The following TWIST2 variants were observed in gnomAD, a reference collection of about 807,000 sequenced individuals.
The protein encoded by TWIST2 is twist family bHLH transcription factor 2, also known as twist-related protein 2.
In TWIST2, 1 loss-of-function variant was observed where a neutral mutation model predicts 11.6. That is an observed-to-expected ratio of 0.09 (90% CI 0.03 to 0.41). The LOEUF is 0.41. Ranked by LOEUF, TWIST2 falls within the 10% of genes least tolerant of loss-of-function variation. The probability of loss-of-function intolerance (pLI) is 0.98; values close to 1 mark genes in which losing one functional copy is unlikely to be tolerated. For synonymous variants in TWIST2, 87 were observed against 96.6 expected (o/e 0.90, Z 0.58); for missense variants, 168 against 226.4 (o/e 0.74, Z 1.66).
At chr2:238,848,812 G>A (rs930953657) in intron 1 of TWIST2, 79 bp downstream of exon 1, 1 of 1,157,700 alleles carries the variant, frequency 8.6e-7, no homozygotes, top group Non-Finnish European at 1.1e-6. Flanking sequence ...GGGCCTGCTC[G>A]TGTCTCCTCG....
intron 1 of TWIST2, among the ~76,000 whole-genome samples, 193 bp from the exon 2 acceptor site, chr2:238,909,649 C>T (rs1169563735): frequency 1.3e-5 from 2 of 152,054 alleles, no homozygotes; most frequent in African/African-American, 4.8e-5. Context: ...GCAGGGGTTG[C>T]GGAAGCCTGG....
rs531756550 is a variant in TWIST2 at position 238,858,898 on chromosome 2, A to G, written c.*35+10165A>G. Among the ~76,000 whole-genome samples the G allele has an allele frequency of 2.5e-4, 38 of 152,330 alleles. No individual in the cohort carries two copies. The South Asian group carries it at 6.2e-3, about 25-fold the overall frequency. Reference sequence around the variant, plus strand: ...CAGTAAAACGTAGCCCATTCGTACAATGGAATGTAATTCAGCCATAAAAAC... The same window carrying G: ...CAGTAAAACGTAGCCCATTCGTACAGTGGAATGTAATTCAGCCATAAAAAC... On this transcript the variant is annotated intron_variant, in intron 1 of 1. Coordinates refer to ENST00000612363, the MANE Select transcript of TWIST2 (RefSeq NM_001271893.4).
At chr2:238,909,062 GTGTA>G (rs1212868167) in intron 1 of TWIST2, among the ~76,000 whole-genome samples, 48 of 149,666 alleles carry the variant, frequency 3.2e-4, no homozygotes, top group African/African-American at 1.2e-3. Context: ...TGTATGTGGT[GTGTA>G]TGTAGTGTGG....
chr2:238,902,805 GGT>G (rs1331848635), intron 1 of TWIST2, among the ~76,000 whole-genome samples: 1 of 142,600 alleles, frequency 7.0e-6, no homozygotes, highest in African/African-American at 2.6e-5. Flanking sequence ...TGATGTGTGA[GGT>G]GTGTGTGATG....
At chr2:238,859,992 C>T (rs772452954) in intron 1 of TWIST2, among the ~76,000 whole-genome samples, 16 of 152,148 alleles carry the variant, frequency 1.1e-4, no homozygotes, top group Non-Finnish European at 2.4e-4. Flanking sequence ...TAGATGAGAG[C>T]CAGGAGCATT....
intron 1 of TWIST2, among the ~76,000 whole-genome samples, chr2:238,904,487 G>A (rs932474522): frequency 7.3e-4 from 110 of 150,996 alleles, no homozygotes; most frequent in African/African-American, 2.7e-3. Context: ...GTGCGTGTTC[G>A]TGTGTGTGTG....
intron 1 of TWIST2, among the ~76,000 whole-genome samples, chr2:238,907,850 A>ATG (rs1693380594): frequency 1.5e-5 from 2 of 130,560 alleles, no homozygotes; most frequent in Non-Finnish European, 3.3e-5. Flanking sequence ...ACACCCCCAC[A>ATG]CTGTACATAC....
intron 1 of TWIST2, among the ~76,000 whole-genome samples, chr2:238,895,412 C>T (rs1223742172): frequency 2.6e-5 from 4 of 152,236 alleles, no homozygotes; most frequent in Admixed American, 6.5e-5. Flanking sequence ...CAGCTGGAAA[C>T]GGGGCCCGCA....
At position 238,848,106 on chromosome 2, in the gene TWIST2, A is replaced by T. The variant is rs768793842; in HGVS notation, c.-110A>T. On this transcript the variant is annotated 5_prime_UTR_variant, in exon 1 of 2. Coordinates refer to ENST00000612363, the MANE Select transcript of TWIST2 (RefSeq NM_001271893.4). ...TTTTGCACAAGCCGGCCTTGAAATCAGAGCCTTTCCAGCAACTCCGAGAGC... is the reference window on the plus strand; with the variant it reads ...TTTTGCACAAGCCGGCCTTGAAATCTGAGCCTTTCCAGCAACTCCGAGAGC... 6.5e-6 allele frequency: 6 copies of T among 928,430 alleles called. No individual in the cohort carries two copies. Among genetic ancestry groups the T allele is most frequent in the Non-Finnish European group, 8.1e-6 (6 of 741,034 alleles). The allele number at this position is 928,430 out of a possible 1,614,324, so 57.5% of individuals were successfully genotyped here.
chr2:238,888,032 A>G (rs1201788926), intron 1 of TWIST2, among the ~76,000 whole-genome samples: 1 of 152,236 alleles, frequency 6.6e-6, no homozygotes, highest in Non-Finnish European at 1.5e-5. Context: ...TTTAAAATTC[A>G]TGTGAGAGGA....
At chr2:238,883,748 G>T (rs1692982002) in intron 1 of TWIST2, among the ~76,000 whole-genome samples, 1 of 152,194 alleles carries the variant, frequency 6.6e-6, no homozygotes, top group Admixed American at 6.5e-5. Flanking sequence ...GGAAGACCAT[G>T]TTGATTCCAT....
chr2:238,886,552 A>G (rs572131498), intron 1 of TWIST2, among the ~76,000 whole-genome samples: 6 of 151,500 alleles, frequency 4.0e-5, no homozygotes, highest in Admixed American at 2.6e-4. Flanking sequence ...CCCAAATCTA[A>G]GGAAGTACAC....
Position 238,910,026 on chromosome 2 carries a change from AG to A in TWIST2, c.*223del, listed in dbSNP as rs1237473084. The A allele has an allele frequency of 2.7e-4, 41 of 152,076 alleles. No homozygotes were observed. Among genetic ancestry groups the A allele is most frequent in the Admixed American group, 2.7e-3 (41 of 15,278 alleles). 9.4% of individuals were successfully genotyped at this position (152,076 alleles called of 1,614,324 possible). A position where few individuals can be genotyped will look rare whatever the true frequency, so the allele number is the denominator to read the frequency against. On this transcript the variant is annotated 3_prime_UTR_variant, in exon 2 of 2. Transcript: ENST00000612363. ...CCCCCAGGACGGTCCCCACATAGGA[AG>A]GGCACTCCCAGCCCTCTTGCTGGTG...
At chr2:238,889,991 C>T (rs1693104021) in intron 1 of TWIST2, among the ~76,000 whole-genome samples, 1 of 122,072 alleles carries the variant, frequency 8.2e-6, no homozygotes, top group Non-Finnish European at 1.9e-5. Context: ...GGAGGCTGCC[C>T]AGCCTGGCCT....
At chr2:238,903,016 G>C in intron 1 of TWIST2, among the ~76,000 whole-genome samples, 1 of 5,774 alleles carries the variant, frequency 1.7e-4, no homozygotes, top group Non-Finnish European at 3.3e-4. Context: ...TGAGGTGTGT[G>C]TGATGTGGGT....
intron 1 of TWIST2, among the ~76,000 whole-genome samples, chr2:238,905,968 T>A (rs1282591745): frequency 7.3e-6 from 1 of 137,406 alleles, no homozygotes; most frequent in East Asian, 2.0e-4. Context: ...CGTGTGCGTG[T>A]GTGTGCGCGC....
chr2:238,869,447 T>C (rs541313401), intron 1 of TWIST2, among the ~76,000 whole-genome samples: 10 of 152,330 alleles, frequency 6.6e-5, no homozygotes, highest in African/African-American at 2.2e-4. Flanking sequence ...CGGCAAATTA[T>C]CCATCTGATA....
intron 1 of TWIST2, among the ~76,000 whole-genome samples, chr2:238,904,340 G>T (rs1693316136): frequency 6.7e-6 from 1 of 149,318 alleles, no homozygotes; most frequent in South Asian, 2.1e-4. Context: ...TATGGGATGT[G>T]TGATGTAGTG....
At chr2:238,861,528 A>G (rs1692435680) in intron 1 of TWIST2, among the ~76,000 whole-genome samples, 1 of 152,034 alleles carries the variant, frequency 6.6e-6, no homozygotes, top group South Asian at 2.1e-4. Flanking sequence ...CGGCACCCTT[A>G]GGCGCCCGGT....
Sources: allele counts gnomAD v4.1 joint callset (sites outside exome capture counted in the v4.1 genomes callset), GRCh38; gene constraint gnomAD v4.1.1; transcripts MANE v1.5; gene names NCBI Gene and HGNC (gene_info 2026-07-23, HGNC 2026-07-21).